The following PANK2 variants were observed in gnomAD, a reference collection of about 807,000 sequenced individuals.
PANK2 encodes pantothenate kinase 2, mitochondrial.
Under a neutral mutation model 43.1 loss-of-function variants are expected in PANK2, and 36 were observed. The ratio of observed to expected loss-of-function variants is 0.84; its 90% CI spans 0.64 to 1.10. The LOEUF is 1.10. Among genes scored for constraint, PANK2 ranks in the 50% least tolerant of loss-of-function variants. The pLI is 0.00. For synonymous variants in PANK2, 281 were observed against 238.2 expected, an observed-to-expected ratio of 1.18 and a Z score of -1.66; for missense variants, 576 against 593.3, an observed-to-expected ratio of 0.97 and a Z score of 0.30.
intron 5 of PANK2, among the ~76,000 whole-genome samples, chr20:3,917,302 T>C (rs1043248432): frequency 6.6e-6 from 1 of 151,918 alleles, no homozygotes; most frequent in Non-Finnish European, 1.5e-5. Flanking sequence ...GAGTGGAAGG[T>C]AGCCAGTGTT....
Position 3,912,551 on chromosome 20 carries a change from C to T in PANK2, c.999C>T (p.Ser333=). The T allele has an allele frequency of 6.2e-7, 1 of 1,614,090 alleles. No homozygotes were observed. Among genetic ancestry groups the T allele is most frequent in the Non-Finnish European group, 8.5e-7 (1 of 1,180,026 alleles). ...TTGAAATGGCATCTCGTGGAGATAG[C>T]ACCAAAGTGGATAAACTAGTACGAG... Residue 333 remains serine (S), a synonymous_variant, in exon 4 of 7, where the codon AGC becomes AGT. Coordinates refer to ENST00000610179, the MANE Select transcript of PANK2 (RefSeq NM_001386393.1).
intron 1 of PANK2, chr20:3,891,267 A>T (rs1398027255): frequency 6.6e-6 from 1 of 152,098 alleles, no homozygotes; most frequent in Non-Finnish European, 1.5e-5. Context: ...TATGTTGCCC[A>T]GGCTGGTCTT....
intron 1 of PANK2, among the ~76,000 whole-genome samples, chr20:3,890,209 C>T (rs780058399): frequency 6.6e-6 from 1 of 152,144 alleles, no homozygotes; most frequent in Non-Finnish European, 1.5e-5. Flanking sequence ...TTGAGTTGCA[C>T]CAGGCCTGAA....
At chr20:3,895,706 G>C (rs1264764126) in intron 1 of PANK2, among the ~76,000 whole-genome samples, 1 of 152,082 alleles carries the variant, frequency 6.6e-6, no homozygotes, top group African/African-American at 2.4e-5. Context: ...GACTGACTGG[G>C]ATGTGAAAAC....
chr20:3,904,162 C>T (rs1369524832), intron 1 of PANK2, among the ~76,000 whole-genome samples: 3 of 151,948 alleles, frequency 2.0e-5, no homozygotes, highest in African/African-American at 4.8e-5. Context: ...TGCAAGGTTT[C>T]TTTTACTCAC....
rs1408614031 is a variant in PANK2 at position 3,925,683 on chromosome 20, CAGTT to C, written c.*2392_*2395del. ...AATGTTCTGGTTCATTCTCTGCTGA[CAGTT>C]AGCTGTGGCTGTCCTCAGCCTCAGT... On this transcript the variant is annotated 3_prime_UTR_variant, in exon 7 of 7. Coordinates refer to ENST00000610179, the MANE Select transcript of PANK2 (RefSeq NM_001386393.1). The C allele has an allele frequency of 3.9e-5, 6 of 152,354 alleles. No homozygotes were observed. The highest frequency in any genetic ancestry group is 1.9e-4 in the East Asian group (1 of 5,174). 9.4% of individuals were successfully genotyped at this position (152,354 alleles called of 1,614,324 possible).
rs1038272684 is a variant in PANK2 at position 3,924,497 on chromosome 20, T to G, written c.*1203T>G. On this transcript the variant is annotated 3_prime_UTR_variant, in exon 7 of 7. Transcript: ENST00000610179. ...CCAGCTGGGGCAAGGGGAACTGATA[T>G]GTGGGCTGTGGGCTGTTCCACTAGG... 2.0e-5 allele frequency: 3 copies of G among 152,364 alleles called. No homozygotes were observed. Among genetic ancestry groups the G allele is most frequent in the African/African-American group, 7.2e-5 (3 of 41,436 alleles). The allele number at this position is 152,364 out of a possible 1,614,324, so 9.4% of individuals were successfully genotyped here. A position where few individuals can be genotyped will look rare whatever the true frequency, so the allele number is the denominator to read the frequency against.
intron 1 of PANK2, among the ~76,000 whole-genome samples, chr20:3,895,776 G>A (rs2090197517): frequency 6.6e-6 from 1 of 152,082 alleles, no homozygotes; most frequent in African/African-American, 2.4e-5. Context: ...CAGTTTTTTA[G>A]TAGTTCGTTA....
intron 1 of PANK2, among the ~76,000 whole-genome samples, chr20:3,893,931 GTTTTTTTT>G (rs374582085): frequency 1.4e-5 from 1 of 73,164 alleles, no homozygotes; most frequent in Non-Finnish European, 3.1e-5. Flanking sequence ...TTTGTTTTTT[GTTTTTTTT>G]TTTTTTTTTT....
intron 3 of PANK2, among the ~76,000 whole-genome samples, chr20:3,911,354 G>A (rs1271275835): frequency 6.6e-6 from 1 of 152,132 alleles, no homozygotes; most frequent in African/African-American, 2.4e-5. Flanking sequence ...GGAGGCTGGG[G>A]CGGGTGGATC....
At chr20:3,903,973 C>T (rs554867551) in intron 1 of PANK2, among the ~76,000 whole-genome samples, 6 of 151,810 alleles carry the variant, frequency 4.0e-5, no homozygotes, top group Non-Finnish European at 8.8e-5. Context: ...TACGTACATA[C>T]TTTAGTACAA....
Position 3,911,250 on chromosome 20 carries a change from G to A in PANK2, c.905+420G>A, listed in dbSNP as rs985217750. Reference sequence around the variant, plus strand: ...ATGTATGTGATTTAGAAGTTGATATGTACTGATCAGTAGAAAAATTATTGA... The same window carrying A: ...ATGTATGTGATTTAGAAGTTGATATATACTGATCAGTAGAAAAATTATTGA... On this transcript the variant is annotated intron_variant, in intron 3 of 6. Coordinates refer to ENST00000610179, the MANE Select transcript of PANK2 (RefSeq NM_001386393.1). Among the ~76,000 whole-genome samples the A allele has an allele frequency of 3.9e-5, 6 of 152,194 alleles. No homozygotes were observed. In the East Asian group the frequency reaches 9.6e-4, roughly 24 times the overall value.
At chr20:3,913,834 G>A (rs1786521932) in intron 4 of PANK2, among the ~76,000 whole-genome samples, 1 of 147,278 alleles carries the variant, frequency 6.8e-6, no homozygotes, top group Non-Finnish European at 1.5e-5. Flanking sequence ...TGTCGCCCAG[G>A]CTGGAGTGCA....
At chr20:3,906,397 C>G (rs2090386901) in intron 1 of PANK2, among the ~76,000 whole-genome samples, 1 of 152,060 alleles carries the variant, frequency 6.6e-6, no homozygotes. Context: ...GCATTCTAGC[C>G]TGGGTGACAG....
At chr20:3,896,250 TTGTA>T in intron 1 of PANK2, among the ~76,000 whole-genome samples, 1 of 110,604 alleles carries the variant, frequency 9.0e-6, no homozygotes, top group East Asian at 2.7e-4. Context: ...TTTTTTTTTT[TTGTA>T]TTTTTAGTAG....
At chr20:3,910,162 T>C (rs1392066379) in intron 2 of PANK2, among the ~76,000 whole-genome samples, 1 of 152,228 alleles carries the variant, frequency 6.6e-6, no homozygotes, top group East Asian at 1.9e-4. Flanking sequence ...TGGTCCTCTG[T>C]CACAGTCCTT....
chr20:3,909,734 C>T (rs1322554274), intron 2 of PANK2, among the ~76,000 whole-genome samples: 2 of 151,946 alleles, frequency 1.3e-5, no homozygotes, highest in African/African-American at 2.4e-5. Flanking sequence ...GGTTTACAGG[C>T]GTGCACCACC....
At chr20:3,899,955 C>T (rs944049218) in intron 1 of PANK2, among the ~76,000 whole-genome samples, 7 of 151,658 alleles carry the variant, frequency 4.6e-5, no homozygotes, top group Admixed American at 1.3e-4. Context: ...CCGCCTGCCT[C>T]GGCCTCCCAA....
intron 2 of PANK2, 102 bp from the exon 3 acceptor site, chr20:3,910,475 C>T (rs1035867938): frequency 3.7e-5 from 47 of 1,284,170 alleles, no homozygotes; most frequent in Non-Finnish European, 4.7e-5. Flanking sequence ...TCTGTGAGTG[C>T]ACTTTCATGG....
Sources: gnomAD v4.1 joint callset for allele counts (sites outside exome capture counted in the v4.1 genomes callset) on GRCh38, gnomAD v4.1.1 for gene constraint, MANE v1.5 for transcripts, NCBI Gene and HGNC (gene_info 2026-07-23, HGNC 2026-07-21) for gene names.